MAOB: variants seen among roughly 807,000 people sequenced by gnomAD.
MAOB encodes amine oxidase [flavin-containing] B.
Under a neutral mutation model 41.9 loss-of-function variants are expected in MAOB, and 15 were observed. The observed-to-expected ratio is 0.36, with a 90% CI of 0.24 to 0.55. The LOEUF is 0.55. MAOB is among the 20% of genes least tolerant of loss of function. The pLI is 0.86. For missense variants in MAOB, 345 were observed against 398.7 expected (o/e 0.87, Z 1.15); for synonymous variants, 167 against 144.2 (o/e 1.16, Z -1.13).
intron 1 of MAOB, among the ~76,000 whole-genome samples, chrX:43,865,734 C>T (rs189891105): frequency 7.2e-4 from 79 of 109,486 alleles, no homozygotes; most frequent in Admixed American, 1.4e-3. Context: ...TTCACTTCTA[C>T]GAACAACCAT....
rs547699916 is a variant in MAOB at position 43,844,882 on chromosome X, G to A, written c.47-1118C>T. ...TCCAGACTAAGCCAGCTTCTCTGAT[G>A]CTCCAGCTCACAGTCAGCCTATCAT... On this transcript the variant is annotated intron_variant, in intron 1 of 14. Coordinates refer to ENST00000378069, the MANE Select transcript of MAOB (RefSeq NM_000898.5). Among the ~76,000 whole-genome samples, 91 of 111,732 alleles carry A rather than the reference G, an allele frequency of 8.1e-4. No individual in the cohort carries two copies. The South Asian group carries it at 0.017, about 21-fold the overall frequency.
chrX:43,819,858 A>C (rs927127252), intron 3 of MAOB, among the ~76,000 whole-genome samples: 1 of 112,218 alleles, frequency 8.9e-6, no homozygotes, highest in East Asian at 2.8e-4. Flanking sequence ...AACATACTCA[A>C]ATAGGTGAAC....
rs1393788640 is a variant in MAOB at position 43,781,512 on chromosome X, C to T, written c.961G>A (p.Glu321Lys). ...YCGTMIIDGE[E>K]APVAYTLDDT... is the part of the protein sequence containing the mutation. ...TCCAACGTGTAGGCAACTGGAGCTT[C>T]TTCTCCATCAATAATCATGGTTCCA... Residue 321 changes from glutamate to lysine, a missense_variant, in exon 9 of 15, where the codon GAA (glutamate) becomes AAA (lysine). Coordinates refer to ENST00000378069, the MANE Select transcript of MAOB (RefSeq NM_000898.5). 2 of 1,195,532 alleles carry T rather than the reference C, an allele frequency of 1.7e-6. No homozygotes were observed. The highest frequency in any genetic ancestry group is 1.7e-5 in the African/African-American group (1 of 57,333).
intron 8 of MAOB, among the ~76,000 whole-genome samples, chrX:43,786,150 C>G (rs1004883117): frequency 8.9e-6 from 1 of 111,812 alleles, no homozygotes; most frequent in Admixed American, 9.5e-5. Context: ...TGTGACAGGG[C>G]ACTGGTGAAA....
intron 5 of MAOB, among the ~76,000 whole-genome samples, chrX:43,797,870 A>G (rs2034547367): frequency 9.0e-6 from 1 of 111,602 alleles, no homozygotes; most frequent in Non-Finnish European, 1.9e-5. Flanking sequence ...AAATCATGTC[A>G]TTTTCTTGCT....
At chrX:43,825,381 T>C (rs982378397) in intron 3 of MAOB, among the ~76,000 whole-genome samples, 20 of 110,480 alleles carry the variant, frequency 1.8e-4, no homozygotes, top group Admixed American at 1.7e-3. Flanking sequence ...AGACCCATTT[T>C]TAATTTATTT....
chrX:43,803,328 C>A lies in MAOB; in HGVS notation c.356G>T (p.Trp119Leu). 3.4e-6 allele frequency: 4 copies of A among 1,167,801 alleles called. No homozygotes were observed. Among genetic ancestry groups the A allele is most frequent in the Non-Finnish European group, 4.6e-6 (4 of 878,333 alleles). ...PITYLDHNNF[W>L]RTMDDMGREI... ...TCGCCCCATGTCATCCATTGTCCTC[C>A]AAAAGTTGTTATGATCTAAGTAGGT... The change falls in exon 4 of 15, where the codon TGG becomes TTG. Residue 119 changes from tryptophan to leucine, a missense_variant. By Grantham distance (61) the Trp-to-Leu change is moderately conservative. Transcript: ENST00000378069.
intron 3 of MAOB, among the ~76,000 whole-genome samples, chrX:43,805,526 C>T (rs764093376): frequency 1.5e-4 from 17 of 111,836 alleles, no homozygotes; most frequent in Non-Finnish European, 2.3e-4. Context: ...TGCCTGTTTT[C>T]ACATTTTTTA....
chrX:43,862,322 T>A (rs777380047), intron 1 of MAOB, among the ~76,000 whole-genome samples: 3 of 111,961 alleles, frequency 2.7e-5, no homozygotes, highest in Non-Finnish European at 5.6e-5. Context: ...TAGTGCTATG[T>A]CTTACTATGT....
In MAOB at chrX:43,778,679, T is replaced by C; in HGVS notation, c.1137+3A>G. Reference sequence around the variant, plus strand: ...TTAGTATAGGGTTGGGAAGCAGCCTTACCTCCAGAGCTTCTAGGGAACCCA... The same window carrying C: ...TTAGTATAGGGTTGGGAAGCAGCCTCACCTCCAGAGCTTCTAGGGAACCCA... On this transcript the variant is annotated splice_donor_region_variant and intron_variant, in intron 11 of 14. Transcript: ENST00000378069. 6 of 1,205,690 alleles carry C rather than the reference T, an allele frequency of 5.0e-6. No homozygotes were observed. Among genetic ancestry groups the C allele is most frequent in the Non-Finnish European group, 6.7e-6 (6 of 891,355 alleles).
chrX:43,879,543 C>G (rs2035460811), intron 1 of MAOB, among the ~76,000 whole-genome samples: 1 of 111,860 alleles, frequency 8.9e-6, no homozygotes, highest in African/African-American at 3.3e-5. Context: ...CAATTTCATT[C>G]CAACTGCTAG....
Position 43,787,104 on chromosome X carries a change from A to T in MAOB, c.929-5560T>A, listed in dbSNP as rs74649972. Among the ~76,000 whole-genome samples, 69 of 77,274 alleles carry T rather than the reference A, an allele frequency of 8.9e-4. No individual in the cohort carries two copies. The East Asian group carries it at 0.031, about 35-fold the overall frequency. 67.1% of individuals were successfully genotyped at this position (77,274 alleles called of 115,157 possible). A position where few individuals can be genotyped will look rare whatever the true frequency, so the allele number is the denominator to read the frequency against. ...AACTAACAAATGAAACAGAAAAACTATGGGGGGGTGGGTAGGGGGAGGGAC... is the reference window on the plus strand; with the variant it reads ...AACTAACAAATGAAACAGAAAAACTTTGGGGGGGTGGGTAGGGGGAGGGAC... On this transcript the variant is annotated intron_variant, in intron 8 of 14. Coordinates refer to ENST00000378069, the MANE Select transcript of MAOB (RefSeq NM_000898.5).
At chrX:43,792,880 C>T (rs5952736) in intron 8 of MAOB, among the ~76,000 whole-genome samples, 7,222 of 111,670 alleles carry the variant, frequency 0.065, 469 homozygotes, top group African/African-American at 0.19. Context: ...CATGCACTCA[C>T]ATGTTCATCG....
At chrX:43,800,002 T>C (rs1430655068) in intron 5 of MAOB, among the ~76,000 whole-genome samples, 1 of 112,036 alleles carries the variant, frequency 8.9e-6, no homozygotes, top group African/African-American at 3.2e-5. Context: ...GAATGTATGA[T>C]TGTGCTTTAG....
intron 8 of MAOB, among the ~76,000 whole-genome samples, chrX:43,791,592 C>G (rs371033703): frequency 9.0e-6 from 1 of 110,934 alleles, no homozygotes; most frequent in Non-Finnish European, 1.9e-5. Flanking sequence ...CCCATCTCTA[C>G]TAAAAATGCA....
intron 8 of MAOB, among the ~76,000 whole-genome samples, chrX:43,791,756 C>CAA (rs573394731): frequency 6.2e-5 from 6 of 96,542 alleles, no homozygotes; most frequent in African/African-American, 2.2e-4. Context: ...GACTCCGTCT[C>CAA]AAAAAAAAAA....
intron 1 of MAOB, among the ~76,000 whole-genome samples, chrX:43,865,813 C>T (rs781769200): frequency 2.9e-4 from 30 of 102,442 alleles, no homozygotes. Context: ...TGGCTGCAGG[C>T]GCTAAGGTAG....
Position 43,850,472 on chromosome X carries a change from C to T in MAOB, c.47-6708G>A, listed in dbSNP as rs144224950. The T allele has an allele frequency of 7.4e-3, 5,594 of 751,641 alleles. 180 individuals are homozygous for T. The South Asian group carries it at 0.16, about 22-fold the overall frequency. 61.9% of individuals were successfully genotyped at this position (751,641 alleles called of 1,213,427 possible). A position where few individuals can be genotyped will look rare whatever the true frequency, so the allele number is the denominator to read the frequency against. Reference sequence around the variant, plus strand: ...TGTTTTGGCCAAATAGTTCCTCCTCCTTAAGTTCAAACTGGCTTGTCTTCC... The same window carrying T: ...TGTTTTGGCCAAATAGTTCCTCCTCTTTAAGTTCAAACTGGCTTGTCTTCC... On this transcript the variant is annotated intron_variant, in intron 1 of 14. Transcript: ENST00000378069.
chrX:43,833,461 G>A (rs1408908013), intron 3 of MAOB, among the ~76,000 whole-genome samples: 1 of 111,196 alleles, frequency 9.0e-6, no homozygotes, highest in Non-Finnish European at 1.9e-5. Flanking sequence ...GGTACTGCAA[G>A]TTGCCAAAGC....
Sources: gnomAD v4.1 joint callset for allele counts (sites outside exome capture counted in the v4.1 genomes callset) on GRCh38, gnomAD v4.1.1 for gene constraint, MANE v1.5 for transcripts, NCBI Gene and HGNC (gene_info 2026-07-23, HGNC 2026-07-21) for gene names.